Variants in NTRK3 observed in about 807,000 individuals in gnomAD.
NTRK3 encodes NT-3 growth factor receptor.
Under a neutral mutation model 91.7 loss-of-function variants are expected in NTRK3, and 24 were observed. That is an observed-to-expected ratio of 0.26 (90% CI 0.19 to 0.37). The LOEUF (loss-of-function observed/expected upper bound fraction) is 0.37. NTRK3 is among the 10% of genes least tolerant of loss of function. The pLI is 1.00. For missense variants in NTRK3, 880 were observed against 1,068.9 expected (o/e 0.82, Z 2.46); for synonymous variants, 483 against 404.0 (o/e 1.20, Z -2.34).
chr15:87,949,312 C>T (rs1005709136), intron 14 of NTRK3, among the ~76,000 whole-genome samples: 3 of 152,020 alleles, frequency 2.0e-5, no homozygotes, highest in African/African-American at 4.8e-5. Flanking sequence ...AGACCCACAT[C>T]CTAACCCTCA....
At chr15:87,969,368 C>A (rs889386352) in intron 14 of NTRK3, among the ~76,000 whole-genome samples, 1 of 152,072 alleles carries the variant, frequency 6.6e-6, no homozygotes, top group East Asian at 1.9e-4. Flanking sequence ...CCAGAAATTG[C>A]GTCCCCCAAC....
chr15:87,985,383 G>A (rs1183078271), intron 14 of NTRK3, among the ~76,000 whole-genome samples: 3 of 152,118 alleles, frequency 2.0e-5, no homozygotes, highest in Admixed American at 6.5e-5. Flanking sequence ...CATTTCATGG[G>A]GGAATAACTG....
intron 14 of NTRK3, among the ~76,000 whole-genome samples, chr15:88,025,298 A>T (rs1300159334): frequency 6.6e-6 from 1 of 152,258 alleles, no homozygotes; most frequent in Non-Finnish European, 1.5e-5. Context: ...ACTTATTTCC[A>T]CACAAAACCT....
chr15:87,892,039 G>A (rs2065877805), intron 17 of NTRK3, among the ~76,000 whole-genome samples: 1 of 151,374 alleles, frequency 6.6e-6, no homozygotes. Context: ...TAAATGCAGA[G>A]CCCCTGTGAG....
chr15:88,250,880 T>C (rs1015456879), intron 3 of NTRK3, among the ~76,000 whole-genome samples: 4 of 152,256 alleles, frequency 2.6e-5, no homozygotes, highest in African/African-American at 9.6e-5. Flanking sequence ...ATATGAAATA[T>C]CCTCTTTTCT....
chr15:88,200,841 A>T (rs1290579532), intron 3 of NTRK3, among the ~76,000 whole-genome samples: 1 of 152,210 alleles, frequency 6.6e-6, no homozygotes, highest in African/African-American at 2.4e-5. Context: ...GCAATATGAC[A>T]GGGTCTCTAT....
intron 10 of NTRK3, among the ~76,000 whole-genome samples, chr15:88,133,730 G>A (rs1250611548): frequency 1.3e-5 from 2 of 152,210 alleles, no homozygotes; most frequent in Non-Finnish European, 2.9e-5. Flanking sequence ...AGAGAGCACA[G>A]TGTGACCCAG....
chr15:88,099,629 T>C (rs1212950911), intron 13 of NTRK3, among the ~76,000 whole-genome samples: 1 of 152,122 alleles, frequency 6.6e-6, no homozygotes, highest in Admixed American at 6.5e-5. Context: ...AGAGCCTGGG[T>C]GCTAGCCGGG....
intron 13 of NTRK3, among the ~76,000 whole-genome samples, chr15:88,048,102 G>A (rs1002721606): frequency 1.3e-5 from 2 of 152,110 alleles, no homozygotes; most frequent in African/African-American, 2.4e-5. Context: ...TGATGACAAC[G>A]ACGCAGCCAT....
chr15:88,238,760 T>A (rs1394876096), intron 3 of NTRK3, among the ~76,000 whole-genome samples: 3 of 152,236 alleles, frequency 2.0e-5, no homozygotes, highest in Non-Finnish European at 4.4e-5. Flanking sequence ...TTTCATCATC[T>A]CACTATGCCG....
At chr15:88,161,784 C>G (rs1280976112) in intron 5 of NTRK3, among the ~76,000 whole-genome samples, 1 of 152,138 alleles carries the variant, frequency 6.6e-6, no homozygotes, top group Non-Finnish European at 1.5e-5. Context: ...GGCAGGAGAT[C>G]CCAGCTGAAC....
chr15:88,161,760 C>T (rs1194360513), intron 5 of NTRK3, among the ~76,000 whole-genome samples: 1 of 152,152 alleles, frequency 6.6e-6, no homozygotes, highest in Non-Finnish European at 1.5e-5. Flanking sequence ...GAGCCCCTCT[C>T]CAGGAGGGAT....
At chr15:87,952,494 C>T (rs1297525449) in intron 14 of NTRK3, among the ~76,000 whole-genome samples, 2 of 152,090 alleles carry the variant, frequency 1.3e-5, no homozygotes, top group Non-Finnish European at 2.9e-5. Context: ...TCTCTGCGAA[C>T]CCCCACCTCC....
Position 88,255,853 on chromosome 15 carries a change from A to AG in NTRK3, c.248+52dup. The AG allele has an allele frequency of 6.5e-7, 1 of 1,530,210 alleles. No individual in the cohort carries two copies. The highest frequency in any genetic ancestry group is 8.9e-7 in the Non-Finnish European group (1 of 1,128,094). 94.8% of individuals were successfully genotyped at this position (1,530,210 alleles called of 1,614,324 possible). A position where few individuals can be genotyped will look rare whatever the true frequency, so the allele number is the denominator to read the frequency against. On this transcript the variant is annotated intron_variant, in intron 3 of 18. Coordinates refer to ENST00000394480, the Ensembl canonical transcript of NTRK3. The surrounding 1 kb of genome is among the most constrained non-coding windows in gnomAD (Gnocchi z 4.3). ...CGGCTCCCGGCCGCGGGTGGGCAGG[A>AG]GGGAGACGCAGAGCGCGGGGGAGGC...
At chr15:87,898,217 G>A (rs1478580439) in intron 17 of NTRK3, among the ~76,000 whole-genome samples, 1 of 152,184 alleles carries the variant, frequency 6.6e-6, no homozygotes, top group Non-Finnish European at 1.5e-5. Flanking sequence ...AATCCCAAAT[G>A]TATGGATGAG....
chr15:87,950,201 G>A (rs1297088823), intron 14 of NTRK3, among the ~76,000 whole-genome samples: 1 of 152,176 alleles, frequency 6.6e-6, no homozygotes, highest in Non-Finnish European at 1.5e-5. Flanking sequence ...TAGGTTGCAG[G>A]GCACTGGAGC....
At position 88,100,813 on chromosome 15, in the gene NTRK3, A is replaced by C. The variant is rs144263363; in HGVS notation, c.1396+25458T>G. 9.9e-3 allele frequency among the ~76,000 whole-genome samples: 1,514 copies of C among 152,318 alleles called. 25 individuals carry two copies. The highest frequency in any genetic ancestry group is 0.034 in the African/African-American group (1,431 of 41,568). Reference sequence around the variant, plus strand: ...GGTGCTGGGAAAACTGGCTAGCCATATGTAGAAAGCTGAAACTGGATCCCT... The same window carrying C: ...GGTGCTGGGAAAACTGGCTAGCCATCTGTAGAAAGCTGAAACTGGATCCCT... On this transcript the variant is annotated intron_variant, in intron 13 of 18. Transcript: ENST00000394480.
rs567533053 is a variant in NTRK3, at chr15:87,976,404, T to C, written c.1586-35651A>G. Among the ~76,000 whole-genome samples the C allele has an allele frequency of 1.8e-3, 273 of 152,284 alleles. 2 individuals are homozygous for C. Among genetic ancestry groups the C allele is most frequent in the African/African-American group, 6.4e-3 (265 of 41,568 alleles). On this transcript the variant is annotated intron_variant, in intron 14 of 18. Coordinates refer to ENST00000394480, the Ensembl canonical transcript of NTRK3. Reference sequence around the variant, plus strand: ...CTTCCTGTCAGACTGGAACGTGAGCTCTTCCACATTACTTTACTTGTCTCA... The same window carrying C: ...CTTCCTGTCAGACTGGAACGTGAGCCCTTCCACATTACTTTACTTGTCTCA...
chr15:87,915,415 G>T (rs1300997042), intron 17 of NTRK3, among the ~76,000 whole-genome samples: 1 of 152,168 alleles, frequency 6.6e-6, no homozygotes, highest in Non-Finnish European at 1.5e-5. Context: ...TTTGTCTACT[G>T]CAGAATTCAT....
Sources: gnomAD v4.1 joint callset for allele counts (sites outside exome capture counted in the v4.1 genomes callset) on GRCh38, gnomAD v4.1.1 for gene constraint, Gnocchi (gnomAD v3.1) non-coding constraint, MANE v1.5 for transcripts, NCBI Gene and HGNC (gene_info 2026-07-23, HGNC 2026-07-21) for gene names.